The following STAG1 variants were observed in gnomAD, a reference collection of about 807,000 sequenced individuals.
STAG1 encodes the protein STAG1 cohesin complex component, also known as cohesin subunit SA-1.
Under a neutral mutation model 170.9 loss-of-function variants are expected in STAG1, and 26 were observed. The ratio of observed to expected loss-of-function variants is 0.15; its 90% CI spans 0.11 to 0.21. The LOEUF (loss-of-function observed/expected upper bound fraction) is 0.21. Ranked by LOEUF, STAG1 falls within the 10% of genes least tolerant of loss-of-function variation. STAG1 has a pLI of 1.00. For missense variants in STAG1, 964 were observed against 1,509.5 expected (o/e 0.64, Z 5.99); for synonymous variants, 514 against 497.7 (o/e 1.03, Z -0.44).
At chr3:136,517,214 CATTTT>C in intron 7 of STAG1, among the ~76,000 whole-genome samples, 1 of 152,258 alleles carries the variant, frequency 6.6e-6, no homozygotes, top group South Asian at 2.1e-4. Context: ...ATCTTGACCA[CATTTT>C]CTAATTTTTT....
intron 6 of STAG1, among the ~76,000 whole-genome samples, chr3:136,534,339 C>G (rs932207533): frequency 1.3e-5 from 2 of 152,018 alleles, no homozygotes; most frequent in African/African-American, 4.8e-5. Context: ...GGACACTGGT[C>G]TAGGCAAATA....
intron 5 of STAG1, among the ~76,000 whole-genome samples, chr3:136,559,128 T>C (rs972117981): frequency 7.4e-5 from 10 of 134,526 alleles, no homozygotes; most frequent in African/African-American, 2.5e-4. Flanking sequence ...GAACTACCTA[T>C]CTATCTATCT....
intron 24 of STAG1, 110 bp from the exon 25 acceptor site, chr3:136,367,192 G>C: frequency 2.3e-6 from 2 of 871,606 alleles, no homozygotes; most frequent in Non-Finnish European, 3.5e-6. Flanking sequence ...TTCACAAATA[G>C]TACAATTCAG....
chr3:136,573,689 C>T (rs1417091601), intron 4 of STAG1, among the ~76,000 whole-genome samples: 1 of 152,064 alleles, frequency 6.6e-6, no homozygotes, highest in Non-Finnish European at 1.5e-5. Flanking sequence ...AAAGACCCAA[C>T]TGGCCGGGCA....
At chr3:136,468,623 C>A (rs375746923) in intron 12 of STAG1, among the ~76,000 whole-genome samples, 16 of 152,094 alleles carry the variant, frequency 1.1e-4, no homozygotes, top group Non-Finnish European at 7.4e-5. Context: ...TTCCAATCAA[C>A]AGAAAAAGAG....
chr3:136,478,487 TTC>T (rs1464888039), intron 9 of STAG1, among the ~76,000 whole-genome samples: 1 of 152,204 alleles, frequency 6.6e-6, no homozygotes, highest in Non-Finnish European at 1.5e-5. Context: ...AATCCTAATT[TTC>T]TTCTGTAGAT....
intron 28 of STAG1, among the ~76,000 whole-genome samples, chr3:136,351,225 A>G (rs900085152): frequency 6.6e-6 from 1 of 151,296 alleles, no homozygotes; most frequent in African/African-American, 2.4e-5. Context: ...CTTTATCACC[A>G]ATCTTTGGTG....
intron 5 of STAG1, among the ~76,000 whole-genome samples, chr3:136,559,914 T>A (rs370530030): frequency 3.5e-4 from 53 of 152,296 alleles, no homozygotes; most frequent in African/African-American, 1.0e-3. Context: ...GAGACATGAA[T>A]ACAATTTTTT....
In STAG1 at chr3:136,546,367, C is replaced by T. The variant is rs148482107; in HGVS notation, c.395-4172G>A. 1.4e-3 allele frequency among the ~76,000 whole-genome samples: 213 copies of T among 152,046 alleles called. 1 individual carries two copies. Among genetic ancestry groups the T allele is most frequent in the South Asian group, 6.2e-3 (30 of 4,814 alleles). ...TACCTATGAACCATTTTAAAACATA[C>T]GAAAATTCATGTCTATGTATTTTTG... On this transcript the variant is annotated intron_variant, in intron 5 of 33. Coordinates refer to ENST00000383202, the MANE Select transcript of STAG1 (RefSeq NM_005862.3).
At chr3:136,461,857 G>A (rs1442411832) in intron 13 of STAG1, among the ~76,000 whole-genome samples, 2 of 151,972 alleles carry the variant, frequency 1.3e-5, no homozygotes, top group African/African-American at 2.4e-5. Flanking sequence ...TAGCAAAAAC[G>A]AAAACAATCC....
At chr3:136,384,110 G>A (rs1938131542) in intron 22 of STAG1, among the ~76,000 whole-genome samples, 1 of 152,052 alleles carries the variant, frequency 6.6e-6, no homozygotes, top group Non-Finnish European at 1.5e-5. Context: ...TCTTTAATAT[G>A]ATAAAATTAA....
At chr3:136,547,043 T>A (rs1936182381) in intron 5 of STAG1, among the ~76,000 whole-genome samples, 1 of 152,180 alleles carries the variant, frequency 6.6e-6, no homozygotes. Context: ...TTACAAAACT[T>A]TTATGTATGT....
At chr3:136,678,442 T>C (rs1482735844) in intron 1 of STAG1, among the ~76,000 whole-genome samples, 1 of 151,074 alleles carries the variant, frequency 6.6e-6, no homozygotes, top group Non-Finnish European at 1.5e-5. Flanking sequence ...TTAATTTTTT[T>C]AAGTGTTGAG....
intron 7 of STAG1, among the ~76,000 whole-genome samples, chr3:136,517,073 A>C (rs1191895315): frequency 1.3e-5 from 2 of 152,226 alleles, no homozygotes; most frequent in Admixed American, 6.5e-5. Context: ...TGCTGATTCT[A>C]TAAGAAAAGT....
chr3:136,516,732 T>C (rs555740887), intron 7 of STAG1, among the ~76,000 whole-genome samples: 1 of 152,296 alleles, frequency 6.6e-6, no homozygotes, highest in South Asian at 2.1e-4. Context: ...CATTAAAGAA[T>C]AATAGAATAA....
chr3:136,594,279 T>C (rs945661774), intron 4 of STAG1, among the ~76,000 whole-genome samples: 1 of 152,130 alleles, frequency 6.6e-6, no homozygotes, highest in African/African-American at 2.4e-5. Flanking sequence ...ACGAAGCGAT[T>C]TGGCATGTAA....
chr3:136,587,642 A>G (rs908317763), intron 4 of STAG1, among the ~76,000 whole-genome samples: 1 of 152,078 alleles, frequency 6.6e-6, no homozygotes, highest in Non-Finnish European at 1.5e-5. Flanking sequence ...GGGAAAACAG[A>G]ACTAAATTGC....
intron 1 of STAG1, among the ~76,000 whole-genome samples, chr3:136,692,887 T>C (rs985849742): frequency 6.6e-6 from 1 of 152,126 alleles, no homozygotes; most frequent in Non-Finnish European, 1.5e-5. Context: ...GGATTTCAAT[T>C]AGGGATGTAT....
In STAG1 at chr3:136,575,440, G is replaced by C. The variant is rs140509210; in HGVS notation, c.298-6579C>G. The stretch of plus-strand genomic sequence containing the variant: ...GGATTTCGCCATTTTGCCTAGGCTG[G>C]TCTCGAACATCTGGGCTCAAGAAAT... On this transcript the variant is annotated intron_variant, in intron 4 of 33. Coordinates refer to ENST00000383202, the MANE Select transcript of STAG1 (RefSeq NM_005862.3). 2.7e-3 allele frequency among the ~76,000 whole-genome samples: 412 copies of C among 152,262 alleles called. 1 individual carries two copies. The highest frequency in any genetic ancestry group is 7.3e-3 in the South Asian group (35 of 4,818).
Sources: gnomAD v4.1 joint callset for allele counts (sites outside exome capture counted in the v4.1 genomes callset) on GRCh38, gnomAD v4.1.1 for gene constraint, MANE v1.5 for transcripts, NCBI Gene and HGNC (gene_info 2026-07-23, HGNC 2026-07-21) for gene names.